PITPNM3: variants seen among roughly 807,000 people sequenced by gnomAD.
PITPNM3 encodes PITPNM family member 3.
In PITPNM3, 26 loss-of-function variants were observed where a neutral mutation model predicts 102.0. That is an observed-to-expected ratio of 0.25 (90% confidence interval 0.19 to 0.35). PITPNM3 has a LOEUF of 0.35. Among genes scored for constraint, PITPNM3 ranks in the 10% least tolerant of loss-of-function variants. The pLI is 1.00. For synonymous variants in PITPNM3, 578 were observed against 558.6 expected (o/e 1.03, Z -0.49); for missense variants, 1,083 against 1,346.1 (o/e 0.80, Z 3.06).
intron 4 of PITPNM3, among the ~76,000 whole-genome samples, chr17:6,502,753 T>C (rs1185204508): frequency 6.6e-6 from 1 of 152,108 alleles, no homozygotes; most frequent in Non-Finnish European, 1.5e-5. Context: ...CCCAGCCACA[T>C]ATGGAAGTCA....
At chr17:6,536,328 G>A (rs569996336) in intron 2 of PITPNM3, among the ~76,000 whole-genome samples, 16 of 152,336 alleles carry the variant, frequency 1.1e-4, no homozygotes, top group East Asian at 3.9e-4. Flanking sequence ...TGCCTCTGTC[G>A]TCAGCTGGGA....
chr17:6,474,566 G>A lies in PITPNM3; in HGVS notation c.1124C>T (p.Pro375Leu), dbSNP rs138671220. The A allele has an allele frequency of 6.1e-5, 97 of 1,589,784 alleles. No homozygotes were observed. The Middle Eastern group carries it at 3.5e-3, about 57-fold the overall frequency. Residue 375 changes from proline (P) to leucine (L), a missense_variant, in exon 10 of 20, where the codon CCG becomes CTG. By Grantham distance (98) the Pro-to-Leu change is moderately conservative. Around this residue, in one of 5 missense-constraint regions of PITPNM3, gnomAD observed 172 missense variants for 175.6 expected, o/e 0.98. Coordinates refer to ENST00000262483, the MANE Select transcript of PITPNM3 (RefSeq NM_031220.4). ...AGGGAGCTGCGGCCCCCCAGCCGCC[G>A]GGGTCTCAGACTCATCCTTTAGCAC... Reference protein sequence around the residue: ...SSVLKDESETPAAGGPQLPEV... With the variant: ...SSVLKDESETLAAGGPQLPEV...
chr17:6,463,848 C>T lies in PITPNM3; in HGVS notation c.2190G>A (p.Thr730=), dbSNP rs781691392. The change falls in exon 17 of 20, where the codon ACG becomes ACA. Residue 730 remains threonine (T), a synonymous_variant. Coordinates refer to ENST00000262483, the MANE Select transcript of PITPNM3 (RefSeq NM_031220.4). The part of the protein sequence containing the change: ...GDQTCAMSYL[T]VLPRGMECVV... ...CACACTCCATGCCCCTGGGCAACAC[C>T]GTGAGGTAGCTCATGGCACAGGTCT... 211 of 1,613,966 alleles carry T rather than the reference C, an allele frequency of 1.3e-4. No individual in the cohort carries two copies. Among genetic ancestry groups the T allele is most frequent in the Non-Finnish European group, 1.7e-4 (203 of 1,180,020 alleles).
At chr17:6,483,076 C>T (rs944050768) in intron 6 of PITPNM3, among the ~76,000 whole-genome samples, 2 of 152,038 alleles carry the variant, frequency 1.3e-5, no homozygotes, top group African/African-American at 4.8e-5. Flanking sequence ...TCCCAAGAAG[C>T]TGGGACTGCA....
At chr17:6,467,041 C>T (rs143518782) in intron 14 of PITPNM3, among the ~76,000 whole-genome samples, 8,930 of 122,100 alleles carry the variant, frequency 0.073, 463 homozygotes, top group African/African-American at 0.17. Flanking sequence ...CCAGCCTGGG[C>T]GACAGAACAA....
intron 3 of PITPNM3, among the ~76,000 whole-genome samples, chr17:6,506,551 T>G (rs1198976800): frequency 6.6e-6 from 1 of 152,176 alleles, no homozygotes; most frequent in South Asian, 2.1e-4. Flanking sequence ...TTTGTATTTT[T>G]AGTAAAGATG....
chr17:6,498,594 A>G (rs1906982811), intron 4 of PITPNM3, among the ~76,000 whole-genome samples: 1 of 152,172 alleles, frequency 6.6e-6, no homozygotes, highest in South Asian at 2.1e-4. Context: ...AGGAGGATGC[A>G]ATGGTCCAGG....
chr17:6,458,469 T>G lies in PITPNM3; in HGVS notation c.2491-747A>C, dbSNP rs993034264. Among the ~76,000 whole-genome samples, 4 of 152,194 alleles carry G rather than the reference T, an allele frequency of 2.6e-5. No homozygotes were observed. The highest frequency in any genetic ancestry group is 5.9e-5 in the Non-Finnish European group (4 of 68,026). ...TCACTGGGATGACCCACGGTCTGCA[T>G]GACGTGAAGGATCTACCACCTCCCA... On this transcript the variant is annotated intron_variant, in intron 18 of 19. Coordinates refer to ENST00000262483, the MANE Select transcript of PITPNM3 (RefSeq NM_031220.4). The surrounding 1 kb of genome is among the most constrained non-coding windows in gnomAD (Gnocchi z 5.1).
At position 6,454,939 on chromosome 17, in the gene PITPNM3, C is replaced by T. The variant is rs1914016528; in HGVS notation, c.*399G>A. ...GCCCAGAGGCTGTGCCTGCCAGCGG[C>T]GCTTGGTGCCGAGGCTGGGGCTGCC... On this transcript the variant is annotated 3_prime_UTR_variant, in exon 20 of 20. Transcript: ENST00000262483. 1 of 228,028 alleles carries T rather than the reference C, an allele frequency of 4.4e-6. No homozygotes were observed. The highest frequency in any genetic ancestry group is 8.6e-6 in the Non-Finnish European group (1 of 116,748). The allele number at this position is 228,028 out of a possible 1,614,324, so 14.1% of individuals were successfully genotyped here. A position where few individuals can be genotyped will look rare whatever the true frequency, so the allele number is the denominator to read the frequency against.
intron 4 of PITPNM3, among the ~76,000 whole-genome samples, chr17:6,500,145 T>A (rs79302191): frequency 4.0e-4 from 61 of 152,268 alleles, no homozygotes; most frequent in African/African-American, 1.4e-3. Context: ...AACCCAGGCC[T>A]TTCCAAACCT....
intron 1 of PITPNM3, among the ~76,000 whole-genome samples, chr17:6,541,295 G>GTGTGTC (rs1909718592): frequency 6.6e-6 from 1 of 151,460 alleles, no homozygotes; most frequent in South Asian, 2.1e-4. Context: ...GAGTGTGTGT[G>GTGTGTC]TGTGTGTGTG....
At chr17:6,540,006 G>A (rs1909648617) in intron 1 of PITPNM3, among the ~76,000 whole-genome samples, 1 of 152,276 alleles carries the variant, frequency 6.6e-6, no homozygotes, top group Non-Finnish European at 1.5e-5. Flanking sequence ...TCTATGCGGT[G>A]GCCTCATACA....
chr17:6,553,986 T>C (rs967699169), intron 1 of PITPNM3, among the ~76,000 whole-genome samples: 2 of 152,132 alleles, frequency 1.3e-5, no homozygotes, highest in African/African-American at 2.4e-5. Context: ...CACACATTAC[T>C]GTGTGTTGTT....
chr17:6,497,625 C>T (rs747538176), intron 4 of PITPNM3, among the ~76,000 whole-genome samples: 1 of 152,202 alleles, frequency 6.6e-6, no homozygotes, highest in Non-Finnish European at 1.5e-5. Flanking sequence ...AATGTGTGGA[C>T]GTGGCTGTGG....
At chr17:6,526,477 G>A (rs534910333) in intron 2 of PITPNM3, among the ~76,000 whole-genome samples, 13 of 152,288 alleles carry the variant, frequency 8.5e-5, no homozygotes, top group African/African-American at 2.4e-4. Context: ...TAAGAATAAA[G>A]GGTTGAGATC....
intron 3 of PITPNM3, among the ~76,000 whole-genome samples, chr17:6,508,136 C>A (rs532460717): frequency 2.0e-5 from 3 of 151,988 alleles, no homozygotes; most frequent in African/African-American, 7.3e-5. Flanking sequence ...TGCCAAGAGG[C>A]CAGGAGGTGA....
In PITPNM3 at chr17:6,539,008, G is replaced by GGCCATCCAGGGACACAGCCCTC. The variant is rs545590205; in HGVS notation, c.23-948_23-927dup. On this transcript the variant is annotated intron_variant, in intron 1 of 19. Coordinates refer to ENST00000262483, the MANE Select transcript of PITPNM3 (RefSeq NM_031220.4). ...TTCCTGAAGGGAGACGGTCAGCCCA[G>GGCCATCCAGGGACACAGCCCTC]GCCATCCAGGGACACAGCCCTCCTG... Among the ~76,000 whole-genome samples the GGCCATCCAGGGACACAGCCCTC allele has an allele frequency of 1.7e-3, 264 of 151,860 alleles. 2 individuals carry two copies. Among genetic ancestry groups the GGCCATCCAGGGACACAGCCCTC allele is most frequent in the South Asian group, 5.6e-3 (27 of 4,822 alleles).
intron 4 of PITPNM3, among the ~76,000 whole-genome samples, chr17:6,490,897 G>T (rs1157893168): frequency 2.0e-5 from 3 of 147,556 alleles, no homozygotes; most frequent in Non-Finnish European, 4.5e-5. Context: ...GGGAGGCGGG[G>T]GTTGCAGTGA....
chr17:6,486,170 T>C (rs1906080624), intron 4 of PITPNM3, among the ~76,000 whole-genome samples: 1 of 152,112 alleles, frequency 6.6e-6, no homozygotes, highest in South Asian at 2.1e-4. Flanking sequence ...TCAGCTCCTC[T>C]CCTTCCTCCC....
Sources: allele counts gnomAD v4.1 joint callset (sites outside exome capture counted in the v4.1 genomes callset), GRCh38; gene constraint gnomAD v4.1.1; regional missense constraint gnomAD v4.1.1; non-coding constraint Gnocchi (gnomAD v3.1); transcripts MANE v1.5; gene names NCBI Gene and HGNC (gene_info 2026-07-23, HGNC 2026-07-21).